The following RP1 variants were observed in gnomAD, a reference collection of about 807,000 sequenced individuals.
RP1 encodes RP1 axonemal microtubule associated.
RP1 carries 16 observed loss-of-function variants against 14.8 expected under a neutral mutation model. The observed-to-expected ratio is 1.08, with a 90% CI of 0.73 to 1.65. RP1 has a LOEUF of 1.65. Among genes scored for constraint, RP1 ranks in the 40% most tolerant of loss-of-function variants. The pLI, the probability that RP1 is intolerant of heterozygous loss-of-function variation, is 0.00. For synonymous variants in RP1, 876 were observed against 883.6 expected, an observed-to-expected ratio of 0.99 and a Z score of 0.15; for missense variants, 2,631 against 2,535.0, an observed-to-expected ratio of 1.04 and a Z score of -0.81.
intron 6 of RP1, among the ~76,000 whole-genome samples, chr8:54,662,587 T>C (rs1381400102): frequency 6.6e-6 from 1 of 152,196 alleles, no homozygotes; most frequent in Non-Finnish European, 1.5e-5. Flanking sequence ...GTAGCATGTC[T>C]GCATCTTCTC....
chr8:54,775,888 T>C (rs1180360147), intron 23 of RP1, among the ~76,000 whole-genome samples: 1 of 152,186 alleles, frequency 6.6e-6, no homozygotes, highest in Non-Finnish European at 1.5e-5. Context: ...GAAAGTAGAT[T>C]TGAACCTAGT....
At chr8:54,824,637 A>G (rs1290255990) in intron 24 of RP1, among the ~76,000 whole-genome samples, 1 of 152,252 alleles carries the variant, frequency 6.6e-6, no homozygotes, top group African/African-American at 2.4e-5. Context: ...AATTTTCCTC[A>G]TGAGTATAGA....
At position 54,823,852 on chromosome 8, in the gene RP1, T is replaced by C. The variant is rs183164157; in HGVS notation, c.3616-13598T>C. On this transcript the variant is annotated intron_variant, in intron 24 of 28. Coordinates refer to the RP1 transcript ENST00000637698. ...ATTGCTAGGTTGTATGGTAGTGTAT[T>C]ATGGAAACTGTCAAAGTATTTTCCA... Among the ~76,000 whole-genome samples, 10 of 152,340 alleles carry C rather than the reference T, an allele frequency of 6.6e-5. No homozygotes were observed. In the East Asian group the frequency reaches 1.9e-3, roughly 29 times the overall value.
chr8:54,838,540 TGTGA>T lies in RP1; in HGVS notation c.3835+875_3835+878del, dbSNP rs544565701. On this transcript the variant is annotated intron_variant, in intron 25 of 28. Coordinates refer to the RP1 transcript ENST00000637698. ...GTATGTGCGTGACAGAATGTATGCATGTGAGTGTTTCAATGTATGTGCATGAATG... is the reference window on the plus strand; with the variant it reads ...GTATGTGCGTGACAGAATGTATGCATGTGTTTCAATGTATGTGCATGAATG... Among the ~76,000 whole-genome samples, 21 of 152,306 alleles carry T rather than the reference TGTGA, an allele frequency of 1.4e-4. No homozygotes were observed. The South Asian group carries it at 4.1e-3, about 30-fold the overall frequency.
intron 1 of RP1, among the ~76,000 whole-genome samples, chr8:54,580,401 G>A (rs1804760471): frequency 6.7e-6 from 1 of 149,728 alleles, no homozygotes. Flanking sequence ...CTGCCTCCTG[G>A]GTTCAAGTGA....
intron 24 of RP1, among the ~76,000 whole-genome samples, chr8:54,805,748 C>A (rs1460539617): frequency 6.6e-6 from 1 of 151,152 alleles, no homozygotes; most frequent in Non-Finnish European, 1.5e-5. Context: ...TCTGCAGGTG[C>A]CATGGAAGGC....
rs1270806641 is a variant in RP1 at position 54,649,198 on chromosome 8, T to G, written c.951+50T>G. The G allele has an allele frequency of 4.5e-6, 6 of 1,340,550 alleles. 1 individual carries two copies. The South Asian group carries it at 7.5e-5, about 17-fold the overall frequency. 83.0% of individuals were successfully genotyped at this position (1,340,550 alleles called of 1,614,324 possible). ...CTGTTAATATAAGTGATACACCTAG[T>G]AGGTACTTTGGAATGAACATAGTCT... is the stretch of plus-strand genomic sequence containing the variant. On this transcript the variant is annotated intron_variant, in intron 4 of 22. Transcript: ENST00000636932.
intron 12 of RP1, among the ~76,000 whole-genome samples, chr8:54,694,430 C>CTGTGAA: frequency 6.6e-6 from 1 of 152,278 alleles, no homozygotes; most frequent in African/African-American, 2.4e-5. Flanking sequence ...TAGAATTCAG[C>CTGTGAA]TGTGAATCCA....
At chr8:54,817,653 G>A (rs1811165272) in intron 24 of RP1, among the ~76,000 whole-genome samples, 1 of 152,138 alleles carries the variant, frequency 6.6e-6, no homozygotes, top group Non-Finnish European at 1.5e-5. Context: ...CAACACAGAG[G>A]AAATTATGTT....
At chr8:54,574,574 G>A (rs1804603955) in intron 1 of RP1, among the ~76,000 whole-genome samples, 1 of 152,076 alleles carries the variant, frequency 6.6e-6, no homozygotes, top group South Asian at 2.1e-4. Flanking sequence ...GTAAGACTGG[G>A]GCCTGGGAGC....
In RP1 at chr8:54,629,203, C is replaced by G; in HGVS notation, c.5321C>G (p.Thr1774Ser). ...AATGCAGACACCACATCAGTGGACA[C>G]CCTACTTGATAATAACAGCAGTGAG... Reference protein sequence around the residue: ...CGNADTTSVDTLLDNNSSEVP... With the variant: ...CGNADTTSVDSLLDNNSSEVP... The change falls in exon 4 of 4, where the codon ACC becomes AGC. Residue 1774 changes from threonine (T) to serine (S), a missense_variant. Physicochemically the swap from Thr to Ser is moderately conservative, Grantham distance 58 (BLOSUM62 1). Coordinates refer to ENST00000220676, the MANE Select transcript of RP1 (RefSeq NM_006269.2). 1.2e-6 allele frequency: 2 copies of G among 1,614,092 alleles called. No homozygotes were observed. Among genetic ancestry groups the G allele is most frequent in the Non-Finnish European group, 1.7e-6 (2 of 1,179,966 alleles).
intron 25 of RP1, among the ~76,000 whole-genome samples, chr8:54,843,686 G>A (rs1268306623): frequency 1.3e-5 from 2 of 152,116 alleles, no homozygotes; most frequent in African/African-American, 2.4e-5. Context: ...TCAGCCTAGG[G>A]GTTTATCTTC....
chr8:54,640,092 T>A (rs1285313473), intron 3 of RP1, among the ~76,000 whole-genome samples: 1 of 151,872 alleles, frequency 6.6e-6, no homozygotes, highest in African/African-American at 2.4e-5. Context: ...TTACTTTGGG[T>A]CTATTTGTCC....
chr8:54,778,530 G>A (rs1312421649), intron 23 of RP1, among the ~76,000 whole-genome samples: 1 of 151,870 alleles, frequency 6.6e-6, no homozygotes, highest in Non-Finnish European at 1.5e-5. Context: ...TCACCATATT[G>A]GCCAGGCTGG....
chr8:54,786,581 C>T (rs574203981), intron 24 of RP1, among the ~76,000 whole-genome samples: 5 of 152,068 alleles, frequency 3.3e-5, no homozygotes, highest in Admixed American at 2.0e-4. Context: ...TACCAATGTT[C>T]GTCGTTTTCA....
At position 54,627,097 on chromosome 8, in the gene RP1, A is replaced by C; in HGVS notation, c.3215A>C (p.Asp1072Ala). Residue 1072 changes from aspartate (D) to alanine (A), a missense_variant, in exon 4 of 4, where the codon GAT becomes GCT. Asp to Ala is a moderately radical substitution (Grantham distance 126). Coordinates refer to ENST00000220676, the MANE Select transcript of RP1 (RefSeq NM_006269.2). ...RQSVEAAIQV[D>A]PIEEETPKDL... ...AGTGTAGAGGCTGCCATTCAAGTAG[A>C]TCCTATAGAAGAGGAAACTCCAAAA... The C allele has an allele frequency of 1.2e-6, 2 of 1,614,118 alleles. No individual in the cohort carries two copies. The highest frequency in any genetic ancestry group is 1.7e-6 in the Non-Finnish European group (2 of 1,179,990).
At chr8:54,678,695 A>G (rs1283790873) in intron 9 of RP1, among the ~76,000 whole-genome samples, 1 of 152,140 alleles carries the variant, frequency 6.6e-6, no homozygotes, top group Non-Finnish European at 1.5e-5. Context: ...TGCTATTGAG[A>G]CAGACATTTA....
At chr8:54,743,326 G>A (rs942699128) in intron 19 of RP1, among the ~76,000 whole-genome samples, 7 of 152,070 alleles carry the variant, frequency 4.6e-5, no homozygotes, top group African/African-American at 7.2e-5. Flanking sequence ...TGTAAATATC[G>A]TATTCACCAT....
rs186362120 is a variant in RP1 at position 54,781,032 on chromosome 8, T to G, written c.3452-2515T>G. Reference sequence around the variant, plus strand: ...ATCATAGAGTATATCCAAACTACTTTAAAAGTATTTTTAACACAAAAGGAA... The same window carrying G: ...ATCATAGAGTATATCCAAACTACTTGAAAAGTATTTTTAACACAAAAGGAA... On this transcript the variant is annotated intron_variant, in intron 23 of 28. Transcript: ENST00000637698. The G allele has an allele frequency of 2.1e-4, 202 of 984,678 alleles. 1 individual carries two copies. In the African/African-American group the frequency reaches 3.2e-3, roughly 15 times the overall value. 61.0% of individuals were successfully genotyped at this position (984,678 alleles called of 1,614,324 possible). A position where few individuals can be genotyped will look rare whatever the true frequency, so the allele number is the denominator to read the frequency against.
Sources: allele counts gnomAD v4.1 joint callset (sites outside exome capture counted in the v4.1 genomes callset), GRCh38; gene constraint gnomAD v4.1.1; transcripts MANE v1.5; gene names NCBI Gene and HGNC (gene_info 2026-07-23, HGNC 2026-07-21).